AVEN: variants seen among roughly 807,000 people sequenced by gnomAD.
AVEN encodes the protein apoptosis and caspase activation inhibitor.
A neutral mutation model predicts 38.1 loss-of-function variants in AVEN; 41 were observed. The observed-to-expected ratio is 1.08, with a 90% CI of 0.84 to 1.40. AVEN has a LOEUF of 1.40. Among genes scored for constraint, AVEN ranks in the 40% most tolerant of loss-of-function variants. The pLI, the probability that AVEN is intolerant of heterozygous loss-of-function variation, is 0.00. For missense variants in AVEN, 605 were observed against 438.8 expected (o/e 1.38, Z -3.38); for synonymous variants, 206 against 171.8 (o/e 1.20, Z -1.56).
intron 2 of AVEN, among the ~76,000 whole-genome samples, chr15:33,940,031 AGATACTCTC>A (rs1894253009): frequency 6.6e-6 from 1 of 152,224 alleles, no homozygotes; most frequent in Non-Finnish European, 1.5e-5. Context: ...CAGAGCAAAA[AGATACTCTC>A]GAGGAACCAT....
intron 2 of AVEN, among the ~76,000 whole-genome samples, chr15:33,937,357 A>AC (rs758546045): frequency 6.8e-4 from 98 of 145,050 alleles, no homozygotes; most frequent in Admixed American, 3.4e-3. Flanking sequence ...ACACGGTGAA[A>AC]CCCATCTCTA....
chr15:33,902,739 A>G (rs1312367693), intron 2 of AVEN, among the ~76,000 whole-genome samples: 2 of 152,248 alleles, frequency 1.3e-5, no homozygotes, highest in East Asian at 3.8e-4. Flanking sequence ...ACACACAAAA[A>G]TCAGTGCATT....
intron 5 of AVEN, among the ~76,000 whole-genome samples, chr15:34,052,299 C>T (rs1899952067): frequency 6.6e-6 from 1 of 152,090 alleles, no homozygotes; most frequent in Non-Finnish European, 1.5e-5. Flanking sequence ...ATTTAAATCC[C>T]TTCATATTAA....
intron 3 of AVEN, chr15:34,066,552 C>T (rs545494212): frequency 6.6e-6 from 1 of 152,260 alleles, no homozygotes; most frequent in South Asian, 2.1e-4. Flanking sequence ...CACCTGTAAT[C>T]CCAGCACTTT....
chr15:33,868,615 G>C (rs531822288), intron 4 of AVEN, among the ~76,000 whole-genome samples: 2 of 147,864 alleles, frequency 1.4e-5, no homozygotes, highest in African/African-American at 2.5e-5. Flanking sequence ...TTGTATTTAA[G>C]TGCACTAATA....
chr15:33,995,861 C>G lies in AVEN; in HGVS notation c.445+7171G>C, dbSNP rs117904895. Reference sequence around the variant, plus strand: ...GTGGGTGCAGGCCACGGAGGGCGAGCTGAAGCGGGGCGGGGCGCTGCCTCA... The same window carrying G: ...GTGGGTGCAGGCCACGGAGGGCGAGGTGAAGCGGGGCGGGGCGCTGCCTCA... On this transcript the variant is annotated intron_variant, in intron 2 of 5. Transcript: ENST00000306730. 5.8e-3 allele frequency among the ~76,000 whole-genome samples: 882 copies of G among 152,322 alleles called. 21 individuals carry two copies. The highest frequency in any genetic ancestry group is 0.042 in the Admixed American group (637 of 15,294).
At chr15:33,898,993 G>A (rs1415203697) in intron 2 of AVEN, among the ~76,000 whole-genome samples, 1 of 152,194 alleles carries the variant, frequency 6.6e-6, no homozygotes, top group Non-Finnish European at 1.5e-5. Context: ...TAAGACAGAG[G>A]TAGGAAAGGG....
Position 33,871,034 on chromosome 15 carries a change from T to C in AVEN, c.517-4A>G, listed in dbSNP as rs184013099. 4.2e-6 allele frequency: 6 copies of C among 1,445,046 alleles called. No individual in the cohort carries two copies. In the African/African-American group the frequency reaches 5.8e-5, roughly 14 times the overall value. The allele number at this position is 1,445,046 out of a possible 1,614,324, so 89.5% of individuals were successfully genotyped here. On this transcript the variant is annotated splice_region_variant and splice_polypyrimidine_tract_variant and intron_variant, in intron 3 of 5. Transcript: ENST00000306730. The stretch of plus-strand genomic sequence containing the variant: ...TATCCACATAAAATGCTGAATTCTA[T>C]ATATATATATAAAAGAAAATAAAAT...
intron 3 of AVEN, among the ~76,000 whole-genome samples, chr15:33,873,484 C>CAT (rs1184334032): frequency 6.8e-6 from 1 of 147,246 alleles, no homozygotes; most frequent in Admixed American, 6.8e-5. Flanking sequence ...TGTGTGTGTA[C>CAT]ATATATATAA....
At chr15:34,000,283 G>A (rs966301804) in intron 2 of AVEN, among the ~76,000 whole-genome samples, 1 of 152,176 alleles carries the variant, frequency 6.6e-6, no homozygotes, top group Non-Finnish European at 1.5e-5. Flanking sequence ...TCAACTCTGT[G>A]AGACAGGTGT....
intron 1 of AVEN, among the ~76,000 whole-genome samples, chr15:34,071,279 C>T (rs777727065): frequency 2.4e-4 from 36 of 152,162 alleles, no homozygotes; most frequent in Non-Finnish European, 4.3e-4. Flanking sequence ...GGAGTTGCTG[C>T]TTATTTTTCA....
At chr15:34,054,991 G>A (rs772339445) in intron 5 of AVEN, among the ~76,000 whole-genome samples, 9 of 152,066 alleles carry the variant, frequency 5.9e-5, no homozygotes, top group South Asian at 2.1e-4. Flanking sequence ...TCAGGAGTTC[G>A]AGACCAGCCT....
chr15:33,938,323 T>C (rs983407242), intron 2 of AVEN, among the ~76,000 whole-genome samples: 13 of 151,762 alleles, frequency 8.6e-5, no homozygotes, highest in East Asian at 5.8e-4. Flanking sequence ...GGCGTGGTGG[T>C]GGGCACCTGT....
intron 2 of AVEN, among the ~76,000 whole-genome samples, chr15:33,979,279 T>C (rs1321345531): frequency 6.6e-6 from 1 of 152,114 alleles, no homozygotes; most frequent in Non-Finnish European, 1.5e-5. Context: ...CCCAGCACTT[T>C]GGGAGGCCAA....
chr15:33,939,095 C>G (rs900771747), intron 2 of AVEN, among the ~76,000 whole-genome samples: 4 of 152,218 alleles, frequency 2.6e-5, no homozygotes, highest in Admixed American at 6.5e-5. Flanking sequence ...CCCGCTTCAG[C>G]CTCCCAAAGT....
chr15:33,874,477 G>C (rs955593931), intron 3 of AVEN, among the ~76,000 whole-genome samples: 2 of 151,886 alleles, frequency 1.3e-5, no homozygotes, highest in Non-Finnish European at 2.9e-5. Flanking sequence ...AGTCACACTT[G>C]TCCACCAAGA....
At chr15:33,921,662 G>T (rs896053216) in intron 2 of AVEN, among the ~76,000 whole-genome samples, 1 of 152,194 alleles carries the variant, frequency 6.6e-6, no homozygotes, top group African/African-American at 2.4e-5. Flanking sequence ...AGAATATTTA[G>T]AAAACAATGA....
intron 5 of AVEN, among the ~76,000 whole-genome samples, chr15:34,061,830 G>A (rs1900342806): frequency 6.6e-6 from 1 of 152,174 alleles, no homozygotes; most frequent in Admixed American, 6.5e-5. Flanking sequence ...AGGGCAAGGA[G>A]AGGTGGTATA....
At position 33,936,721 on chromosome 15, in the gene AVEN, T is replaced by C. The variant is rs570234165; in HGVS notation, c.446-60726A>G. 1.4e-3 allele frequency among the ~76,000 whole-genome samples: 219 copies of C among 152,328 alleles called. 1 individual carries two copies. The highest frequency in any genetic ancestry group is 5.1e-3 in the African/African-American group (213 of 41,580). The stretch of plus-strand genomic sequence containing the variant: ...AGGGCCACTAATACCCAAGACAATT[T>C]TGAAGAATAACAAATTAGGAGTTTT... On this transcript the variant is annotated intron_variant, in intron 2 of 5. Coordinates refer to ENST00000306730, the MANE Select transcript of AVEN (RefSeq NM_020371.3).
Sources: allele counts gnomAD v4.1 joint callset (sites outside exome capture counted in the v4.1 genomes callset), GRCh38; gene constraint gnomAD v4.1.1; transcripts MANE v1.5; gene names NCBI Gene and HGNC (gene_info 2026-07-23, HGNC 2026-07-21).